The following TJP2 variants were observed in gnomAD, a reference collection of about 807,000 sequenced individuals.
TJP2 encodes Friedreich ataxia region gene X104 (tight junction protein ZO-2).
In TJP2, 91 loss-of-function variants were observed where a neutral mutation model predicts 133.1. The observed-to-expected ratio is 0.68, with a 90% CI of 0.58 to 0.81. The LOEUF (loss-of-function observed/expected upper bound fraction) is 0.81. Among genes scored for constraint, TJP2 ranks in the 40% least tolerant of loss-of-function variants. The pLI is 0.00. For missense variants in TJP2, 1,541 were observed against 1,565.6 expected (o/e 0.98, Z 0.26); for synonymous variants, 592 against 583.4 (o/e 1.01, Z -0.21).
At chr9:69,185,063 CTTT>C (rs10699607) in intron 1 of TJP2, among the ~76,000 whole-genome samples, 3 of 132,490 alleles carry the variant, frequency 2.3e-5, no homozygotes, top group Non-Finnish European at 3.2e-5. Context: ...AGACTGATTT[CTTT>C]TTTTTTTTTT....
At chr9:69,242,322 G>A (rs1830631819) in intron 17 of TJP2, among the ~76,000 whole-genome samples, 1 of 152,192 alleles carries the variant, frequency 6.6e-6, no homozygotes, top group South Asian at 2.1e-4. Flanking sequence ...ATCCTTGAAG[G>A]CAGAGCCTGA....
chr9:69,193,615 C>A (rs1207195074), intron 1 of TJP2, among the ~76,000 whole-genome samples: 1 of 144,694 alleles, frequency 6.9e-6, no homozygotes, highest in Non-Finnish European at 1.5e-5. Context: ...TAATGGCATA[C>A]AAGATAGAAT....
At chr9:69,229,984 C>T (rs936556049) in intron 10 of TJP2, 98 bp from the exon 11 acceptor site, 3 of 1,459,778 alleles carry the variant, frequency 2.1e-6, no homozygotes, top group Non-Finnish European at 2.9e-6. Context: ...ATAAATCACT[C>T]TGTAGCTAGA....
chr9:69,220,618 A>G (rs951605654), intron 4 of TJP2, among the ~76,000 whole-genome samples: 3 of 152,210 alleles, frequency 2.0e-5, no homozygotes, highest in African/African-American at 4.8e-5. Flanking sequence ...TGGGCCTCTG[A>G]GACTTTTCAA....
chr9:69,208,488 A>G (rs1170697349), intron 1 of TJP2, among the ~76,000 whole-genome samples: 1 of 152,192 alleles, frequency 6.6e-6, no homozygotes, highest in East Asian at 1.9e-4. Flanking sequence ...GCATCCCATT[A>G]TTGAAGGGCT....
intron 2 of TJP2, among the ~76,000 whole-genome samples, chr9:69,154,991 G>T (rs1489023590): frequency 6.6e-6 from 1 of 151,810 alleles, no homozygotes; most frequent in Non-Finnish European, 1.5e-5. Context: ...GCCGATGTGG[G>T]TGGATCACCT....
intron 1 of TJP2, among the ~76,000 whole-genome samples, chr9:69,143,842 G>A (rs1308649987): frequency 1.3e-5 from 2 of 152,108 alleles, no homozygotes; most frequent in African/African-American, 4.8e-5. Context: ...AATATACCCT[G>A]TCAGAGTTTT....
chr9:69,184,776 G>T (rs1436352529), intron 1 of TJP2, among the ~76,000 whole-genome samples: 1 of 127,394 alleles, frequency 7.8e-6, no homozygotes, highest in East Asian at 2.3e-4. Context: ...TTTTTGAGAC[G>T]GGCTTGCTCT....
At chr9:69,246,481 A>G (rs1182410825) in intron 17 of TJP2, 2 of 565,816 alleles carry the variant, frequency 3.5e-6, no homozygotes, top group African/African-American at 3.8e-5. Flanking sequence ...TATCACATCC[A>G]CCTATAATGT....
intron 1 of TJP2, among the ~76,000 whole-genome samples, chr9:69,134,403 A>T (rs1302692466): frequency 6.6e-6 from 1 of 152,152 alleles, no homozygotes; most frequent in African/African-American, 2.4e-5. Context: ...GGGAAGAGGG[A>T]GAAATAGGAA....
chr9:69,199,367 A>G (rs1042631788), intron 1 of TJP2, among the ~76,000 whole-genome samples: 3 of 152,266 alleles, frequency 2.0e-5, no homozygotes, highest in Middle Eastern at 3.4e-3. Context: ...TGTCTCTACT[A>G]AAATTAAAAA....
intron 1 of TJP2, among the ~76,000 whole-genome samples, chr9:69,130,256 C>A (rs1822436095): frequency 1.3e-5 from 2 of 151,998 alleles, no homozygotes; most frequent in Non-Finnish European, 2.9e-5. Flanking sequence ...TCAGGTTATA[C>A]TGTTTGGATC....
chr9:69,158,483 T>TA (rs1587930635), intron 2 of TJP2, among the ~76,000 whole-genome samples: 1 of 152,090 alleles, frequency 6.6e-6, no homozygotes, highest in Non-Finnish European at 1.5e-5. Context: ...GCCAGAAACT[T>TA]AGAGGCCCAG....
In TJP2 at chr9:69,143,411, A is replaced by C. The variant is rs193159696; in HGVS notation, c.-130-8240A>C. Among the ~76,000 whole-genome samples the C allele has an allele frequency of 1.4e-3, 217 of 152,340 alleles. 2 individuals carry two copies. Among genetic ancestry groups the C allele is most frequent in the Non-Finnish European group, 5.7e-4 (39 of 68,026 alleles). On this transcript the variant is annotated intron_variant, in intron 1 of 5. Coordinates refer to the TJP2 transcript ENST00000423935. ...TAATTTTTATCATGCGTCATCAGAA[A>C]TACAATTTGTTAGAACAATGACTGT...
chr9:69,133,346 C>T (rs1299307335), intron 1 of TJP2, among the ~76,000 whole-genome samples: 1 of 152,118 alleles, frequency 6.6e-6, no homozygotes, highest in African/African-American at 2.4e-5. Flanking sequence ...GAAATGTTCA[C>T]TAAATAATGG....
At chr9:69,246,077 G>A (rs72709090) in intron 17 of TJP2, 3,666 of 155,988 alleles carry the variant, frequency 0.024, 64 homozygotes, top group Non-Finnish European at 0.036. Context: ...AACGATTTGC[G>A]TAGCATTTAC....
chr9:69,231,804 A>G (rs1829806443), intron 11 of TJP2, among the ~76,000 whole-genome samples: 1 of 152,128 alleles, frequency 6.6e-6, no homozygotes, highest in South Asian at 2.1e-4. Context: ...CCACTCACCA[A>G]ATGTTACTGA....
rs1824885301 is a variant in TJP2, at chr9:69,174,304, G to T, written c.-69G>T. 1 of 1,550,230 alleles carries T rather than the reference G, an allele frequency of 6.5e-7. No homozygotes were observed. The highest frequency in any genetic ancestry group is 1.2e-5 in the South Asian group (1 of 83,992). On this transcript the variant is annotated 5_prime_UTR_variant, in exon 1 of 23. Coordinates refer to ENST00000377245, the MANE Select transcript of TJP2 (RefSeq NM_004817.4). ...AGCACTGTCCGGTGGTGCCCAGGAG[G>T]AGTAGGAGCAGGAGCAGAAGCAGAA...
intron 1 of TJP2, among the ~76,000 whole-genome samples, chr9:69,139,067 A>G (rs1479298243): frequency 2.0e-5 from 3 of 152,070 alleles, no homozygotes; most frequent in African/African-American, 7.2e-5. Context: ...ATACAAAAAA[A>G]TTAGCTGAGT....
Sources: allele counts gnomAD v4.1 joint callset (sites outside exome capture counted in the v4.1 genomes callset), GRCh38; gene constraint gnomAD v4.1.1; transcripts MANE v1.5; gene names NCBI Gene and HGNC (gene_info 2026-07-23, HGNC 2026-07-21).